The following TRMU variants were observed in gnomAD, a reference collection of about 807,000 sequenced individuals.
The protein encoded by TRMU is tRNA mitochondrial 2-thiouridylase, also known as mitochondrial tRNA-specific 2-thiouridylase 1.
TRMU carries 49 observed loss-of-function variants against 46.9 expected under a neutral mutation model. That is an observed-to-expected ratio of 1.05 (90% CI 0.83 to 1.33). TRMU has a LOEUF of 1.33. Ranked by LOEUF, TRMU falls within the 40% of genes most tolerant of loss-of-function variation. The pLI, the probability that TRMU is intolerant of heterozygous loss-of-function variation, is 0.00. For synonymous variants in TRMU, 241 were observed against 200.9 expected (o/e 1.20, Z -1.69); for missense variants, 572 against 532.4 (o/e 1.07, Z -0.73).
At position 46,355,667 on chromosome 22, in the gene TRMU, G is replaced by C. The variant is rs2078581684; in HGVS notation, c.1018+79G>C. On this transcript the variant is annotated intron_variant, in intron 9 of 10. Transcript: ENST00000645190. ...GGCCAGATTTGGGCCAGGGATGGGA[G>C]ACCCTGGGGTAGGAAAGTCCCGTTG... is the stretch of plus-strand genomic sequence containing the variant. 11 of 1,602,918 alleles carry C rather than the reference G, an allele frequency of 6.9e-6. No individual in the cohort carries two copies. The South Asian group carries it at 9.9e-5, about 14-fold the overall frequency.
Position 46,354,209 on chromosome 22 carries a change from C to T in TRMU, c.873+342C>T, listed in dbSNP as rs2078525656. The T allele has an allele frequency of 2.4e-5, 8 of 339,760 alleles. No homozygotes were observed. In the Admixed American group the frequency reaches 3.2e-4, roughly 14 times the overall value. 21.0% of individuals were successfully genotyped at this position (339,760 alleles called of 1,614,324 possible). ...ATGGCCTCAGTGCCAAGGATGGTGC[C>T]CACCATGGTAGGATCCAGTGAGTTG... is the stretch of plus-strand genomic sequence containing the variant. On this transcript the variant is annotated intron_variant, in intron 8 of 10. Transcript: ENST00000645190.
rs1429885253 is a variant in TRMU at position 46,339,216 on chromosome 22, C to G, written c.248+1272C>G. On this transcript the variant is annotated intron_variant, in intron 2 of 10. Coordinates refer to ENST00000645190, the MANE Select transcript of TRMU (RefSeq NM_018006.5). This position sits in a 1 kb window ranked among gnomAD's most constrained non-coding sequence, Gnocchi z 4.8. The stretch of plus-strand genomic sequence containing the variant: ...CCAGGCTGGAGTGCAGTGGCGCAAT[C>G]TTGGCTCACTGCAACATCTGCCTCC... Among the ~76,000 whole-genome samples, 1 of 152,148 alleles carries G rather than the reference C, an allele frequency of 6.6e-6. No homozygotes were observed. The highest frequency in any genetic ancestry group is 1.5e-5 in the Non-Finnish European group (1 of 68,040).
rs112930213 is a variant in TRMU, at chr22:46,336,289, A to C, written c.82+443A>C. On this transcript the variant is annotated intron_variant, in intron 1 of 10. Transcript: ENST00000645190. The surrounding 1 kb of genome is among the most constrained non-coding windows in gnomAD (Gnocchi z 4.1). ...GAGGTCCTTGTCCTCCCCACTCAGCAGACTGGACAACTGCCGCGCGGCGGG... is the reference window on the plus strand; with the variant it reads ...GAGGTCCTTGTCCTCCCCACTCAGCCGACTGGACAACTGCCGCGCGGCGGG... 4.4e-4 allele frequency: 134 copies of C among 304,240 alleles called. No individual in the cohort carries two copies. The highest frequency in any genetic ancestry group is 2.0e-3 in the African/African-American group (90 of 44,050). The allele number at this position is 304,240 out of a possible 1,614,324, so 18.8% of individuals were successfully genotyped here.
chr22:46,355,625 G>GACA, intron 9 of TRMU, 37 bp downstream of exon 9: 1 of 1,613,180 alleles, frequency 6.2e-7, no homozygotes, highest in Admixed American at 1.7e-5. Context: ...CGGGCCCCTT[G>GACA]AAGCTGAGCT....
rs908074429 is a variant in TRMU at position 46,335,718 on chromosome 22, C to T, written c.-47C>T. The T allele has an allele frequency of 3.9e-6, 6 of 1,534,152 alleles. No individual in the cohort carries two copies. Among genetic ancestry groups the T allele is most frequent in the Non-Finnish European group, 4.4e-6 (5 of 1,142,098 alleles). The stretch of plus-strand genomic sequence containing the variant: ...GGCCGGGGCGGGACTTCCGGCAAGG[C>T]GCGGAAGCGGCGGTAGCTGCAGCTG... On this transcript the variant is annotated 5_prime_UTR_variant, in exon 1 of 11. Transcript: ENST00000645190.
Position 46,356,667 on chromosome 22 carries a change from C to G in TRMU, c.1102-175C>G, listed in dbSNP as rs1191153648. 54 of 737,448 alleles carry G rather than the reference C, an allele frequency of 7.3e-5. No individual in the cohort carries two copies. In the East Asian group the frequency reaches 1.3e-3, roughly 17 times the overall value. The allele number at this position is 737,448 out of a possible 1,614,324, so 45.7% of individuals were successfully genotyped here. On this transcript the variant is annotated intron_variant, in intron 10 of 10. Coordinates refer to ENST00000645190, the MANE Select transcript of TRMU (RefSeq NM_018006.5). ...CTCCCTAGTGAAGCCACTGGGTGCC[C>G]CAGGCCTCTCCTCTCCTGTTCAGCA...
chr22:46,335,726 C>G lies in TRMU; in HGVS notation c.-39C>G. On this transcript the variant is annotated 5_prime_UTR_variant, in exon 1 of 11. Transcript: ENST00000645190. ...CGGGACTTCCGGCAAGGCGCGGAAG[C>G]GGCGGTAGCTGCAGCTGGCGAAGTT... is the stretch of plus-strand genomic sequence containing the variant. 6.5e-7 allele frequency: 1 copy of G among 1,538,948 alleles called. No homozygotes were observed. Among genetic ancestry groups the G allele is most frequent in the South Asian group, 1.2e-5 (1 of 83,990 alleles).
rs138586787 is a variant in TRMU, at chr22:46,356,064, A to G, written c.1093A>G (p.Thr365Ala). ...TGTGCAGGCTGTGCGTGCCCTTGCC[A>G]CAGGACAGGTGCGTGGGGTGTGGGG... ...TAVQAVRALA[T>A]GQFAVFYKGD... Residue 365 changes from threonine (T) to alanine (A), a missense_variant, in exon 10 of 11, where the codon ACA becomes GCA. Coordinates refer to ENST00000645190, the MANE Select transcript of TRMU (RefSeq NM_018006.5). The G allele has an allele frequency of 5.0e-6, 8 of 1,613,722 alleles. No homozygotes were observed. In the African/African-American group the frequency reaches 1.1e-4, roughly 22 times the overall value.
chr22:46,355,841 G>A (rs2078587964), intron 9 of TRMU, 149 bp from the exon 10 acceptor site: 1 of 1,045,824 alleles, frequency 9.6e-7, no homozygotes, highest in Non-Finnish European at 1.4e-6. Flanking sequence ...GCAGTGTCCT[G>A]CTGCGTCCAG....
chr22:46,356,590 C>G (rs570900491), intron 10 of TRMU: 23 of 555,326 alleles, frequency 4.1e-5, no homozygotes, highest in Non-Finnish European at 7.1e-5. Context: ...CCTTGGAGTC[C>G]CAGGAGAGGC....
rs1388886400 is a variant in TRMU, at chr22:46,349,307, T to C, written c.479-984T>C. On this transcript the variant is annotated intron_variant, in intron 4 of 10. Coordinates refer to ENST00000645190, the MANE Select transcript of TRMU (RefSeq NM_018006.5). The surrounding 1 kb of genome is among the most constrained non-coding windows in gnomAD (Gnocchi z 4.6). ...GCCCCACCGCCTCCACCTGCATCACTTTGGGCGAGTCATATGTGATGAACT... is the reference window on the plus strand; with the variant it reads ...GCCCCACCGCCTCCACCTGCATCACCTTGGGCGAGTCATATGTGATGAACT... Among the ~76,000 whole-genome samples, 9 of 152,168 alleles carry C rather than the reference T, an allele frequency of 5.9e-5. No homozygotes were observed. The highest frequency in any genetic ancestry group is 5.9e-4 in the Admixed American group (9 of 15,276).
At position 46,352,424 on chromosome 22, in the gene TRMU, C is replaced by G. The variant is rs1236894224; in HGVS notation, c.772+94C>G. 4.8e-6 allele frequency: 7 copies of G among 1,471,058 alleles called. No homozygotes were observed. In the African/African-American group the frequency reaches 9.7e-5, roughly 20 times the overall value. 91.1% of individuals were successfully genotyped at this position (1,471,058 alleles called of 1,614,324 possible). A position where few individuals can be genotyped will look rare whatever the true frequency, so the allele number is the denominator to read the frequency against. On this transcript the variant is annotated intron_variant, in intron 7 of 10. Coordinates refer to ENST00000645190, the MANE Select transcript of TRMU (RefSeq NM_018006.5). ...TAGACCAGAGTTCCTGTCGTCCCTTCCACTTGGCTGGAGAATTGTAGAAGG... is the reference window on the plus strand; with the variant it reads ...TAGACCAGAGTTCCTGTCGTCCCTTGCACTTGGCTGGAGAATTGTAGAAGG...
At chr22:46,343,508 C>G in intron 3 of TRMU, 140 bp downstream of exon 3, 1 of 690,046 alleles carries the variant, frequency 1.4e-6, no homozygotes, top group Non-Finnish European at 2.5e-6. Flanking sequence ...ACCCCAGGCT[C>G]CTGAGTAGCT....
rs1171823574 is a variant in TRMU at position 46,339,583 on chromosome 22, T to G, written c.248+1639T>G. On this transcript the variant is annotated intron_variant, in intron 2 of 10. Transcript: ENST00000645190. The surrounding 1 kb of genome is among the most constrained non-coding windows in gnomAD (Gnocchi z 4.8). The stretch of plus-strand genomic sequence containing the variant: ...CACATCGGGTACAATGTCCACTGCT[T>G]GGGTGACGGGTACACCAAAATCTCA... Among the ~76,000 whole-genome samples, 2 of 152,202 alleles carry G rather than the reference T, an allele frequency of 1.3e-5. No homozygotes were observed. The highest frequency in any genetic ancestry group is 2.9e-5 in the Non-Finnish European group (2 of 68,028).
At position 46,347,717 on chromosome 22, in the gene TRMU, A is replaced by T. The variant is rs73889252; in HGVS notation, c.478+1173A>T. Among the ~76,000 whole-genome samples the T allele has an allele frequency of 6.6e-6, 1 of 152,248 alleles. No individual in the cohort carries two copies. The highest frequency in any genetic ancestry group is 2.4e-5 in the African/African-American group (1 of 41,536). ...ATGCTCTCATCCCGTTTCACAGATG[A>T]GGAAACCGAGGCCCGGATGAAGCCA... On this transcript the variant is annotated intron_variant, in intron 4 of 10. Transcript: ENST00000645190. The surrounding 1 kb of genome is among the most constrained non-coding windows in gnomAD (Gnocchi z 5.0).
chr22:46,352,094 C>A, intron 5 of TRMU, 27 bp from the exon 6 acceptor site: 1 of 1,612,202 alleles, frequency 6.2e-7, no homozygotes, highest in Non-Finnish European at 8.5e-7. Context: ...TTCTGCTCCT[C>A]TCACGGCTGC....
chr22:46,355,097 CGAG>C (rs2078556526), intron 8 of TRMU: 2 of 401,518 alleles, frequency 5.0e-6, no homozygotes, highest in South Asian at 5.3e-5. Context: ...AACCAGTCCT[CGAG>C]GGGGGCCGTG....
Position 46,346,531 on chromosome 22 carries a change from T to C in TRMU, c.465T>C (p.Phe155=). Residue 155 remains phenylalanine (F), a synonymous_variant, in exon 4 of 11, where the codon TTT becomes TTC. Coordinates refer to ENST00000645190, the MANE Select transcript of TRMU (RefSeq NM_018006.5). Reference sequence around the variant, plus strand: ...CCGAAGGGCTTTTCAGAAATCGGTTTGAAGTTAGAAATGGTAAGTTCATGT... The same window carrying C: ...CCGAAGGGCTTTTCAGAAATCGGTTCGAAGTTAGAAATGGTAAGTTCATGT... ...KKPEGLFRNR[F]EVRNAVKLLQ... 1 of 1,611,694 alleles carries C rather than the reference T, an allele frequency of 6.2e-7. No individual in the cohort carries two copies. Among genetic ancestry groups the C allele is most frequent in the Non-Finnish European group, 8.5e-7 (1 of 1,178,468 alleles).
chr22:46,345,793 C>T (rs1254418472), intron 3 of TRMU, among the ~76,000 whole-genome samples: 1 of 149,932 alleles, frequency 6.7e-6, no homozygotes, highest in African/African-American at 2.5e-5. Context: ...CCTGAGACAG[C>T]ATCTTGCTCT....
Sources: allele counts gnomAD v4.1 joint callset (sites outside exome capture counted in the v4.1 genomes callset), GRCh38; gene constraint gnomAD v4.1.1; non-coding constraint Gnocchi (gnomAD v3.1); transcripts MANE v1.5; gene names NCBI Gene and HGNC (gene_info 2026-07-23, HGNC 2026-07-21).